UGT1A7: variants seen among roughly 807,000 people sequenced by gnomAD.
UGT1A7 encodes the protein UDP glucuronosyltransferase family 1 member A7.
UGT1A7 carries 33 observed loss-of-function variants against 45.6 expected under a neutral mutation model. The ratio of observed to expected loss-of-function variants is 0.72; its 90% CI spans 0.55 to 0.97. The LOEUF (loss-of-function observed/expected upper bound fraction) is 0.97. UGT1A7 is among the 50% of genes least tolerant of loss of function. UGT1A7 has a pLI of 0.00. For synonymous variants in UGT1A7, 274 were observed against 250.6 expected (o/e 1.09, Z -0.88); for missense variants, 684 against 666.2 (o/e 1.03, Z -0.29).
In UGT1A7 at chr2:233,760,964, T is replaced by C. The variant is rs1355767569; in HGVS notation, c.856-6070T>C. ...TCACAGAACTTTCTGTGCGACGTGGTTTATTCCCCGTATGCAACCCTTGCC... is the reference window on the plus strand; with the variant it reads ...TCACAGAACTTTCTGTGCGACGTGGCTTATTCCCCGTATGCAACCCTTGCC... On this transcript the variant is annotated intron_variant, in intron 1 of 4. Coordinates refer to ENST00000373426, the MANE Select transcript of UGT1A7 (RefSeq NM_019077.3). The C allele has an allele frequency of 6.2e-7, 1 of 1,614,182 alleles. No individual in the cohort carries two copies. Among genetic ancestry groups the C allele is most frequent in the East Asian group, 2.2e-5 (1 of 44,880 alleles).
rs573836157 is a variant in UGT1A7, at chr2:233,683,415, T to G, written c.855+623T>G. 1.7e-3 allele frequency among the ~76,000 whole-genome samples: 265 copies of G among 152,282 alleles called. 1 individual carries two copies. The highest frequency in any genetic ancestry group is 0.016 in the South Asian group (79 of 4,824). ...TAGAGATTTAAGTGTTTTCCACTTTTGGGGTTTATGAGCAATAATAAGAAT... is the reference window on the plus strand; with the variant it reads ...TAGAGATTTAAGTGTTTTCCACTTTGGGGGTTTATGAGCAATAATAAGAAT... On this transcript the variant is annotated intron_variant, in intron 1 of 4. Transcript: ENST00000373426.
At chr2:233,758,245 A>G (rs1047370626) in intron 1 of UGT1A7, among the ~76,000 whole-genome samples, 51 of 152,214 alleles carry the variant, frequency 3.4e-4, no homozygotes, top group Non-Finnish European at 1.9e-4. Flanking sequence ...ATTGCCCACT[A>G]TTCAGATTAG....
chr2:233,755,169 T>C lies in UGT1A7; in HGVS notation c.856-11865T>C, dbSNP rs555147500. 5.0e-4 allele frequency: 628 copies of C among 1,267,204 alleles called. 1 individual carries two copies. The highest frequency in any genetic ancestry group is 1.5e-3 in the Admixed American group (80 of 52,468). The allele number at this position is 1,267,204 out of a possible 1,614,324, so 78.5% of individuals were successfully genotyped here. The stretch of plus-strand genomic sequence containing the variant: ...CGCTTCCTCCCTGTCCTCGGGGTTT[T>C]TGTCGGGGTGCCACTTGAGCGCCAG... On this transcript the variant is annotated intron_variant, in intron 1 of 4. Transcript: ENST00000373426.
At chr2:233,735,813 T>C (rs1312279736) in intron 1 of UGT1A7, among the ~76,000 whole-genome samples, 1 of 152,232 alleles carries the variant, frequency 6.6e-6, no homozygotes, top group Non-Finnish European at 1.5e-5. Flanking sequence ...AAAATTCTTT[T>C]CTTTAAGAAT....
At position 233,728,248 on chromosome 2, in the gene UGT1A7, GA is replaced by G. The variant is rs150082316; in HGVS notation, c.856-38785del. ...ATCTTCAGGATGAAATAAAGGCCTGGATGACTGAAATAAAGACTGGAGCCTT... is the reference window on the plus strand; with the variant it reads ...ATCTTCAGGATGAAATAAAGGCCTGGTGACTGAAATAAAGACTGGAGCCTT... On this transcript the variant is annotated intron_variant, in intron 1 of 4. Transcript: ENST00000373426. 8.8e-3 allele frequency among the ~76,000 whole-genome samples: 1,334 copies of G among 152,284 alleles called. 20 individuals carry two copies. The highest frequency in any genetic ancestry group is 0.03 in the African/African-American group (1,244 of 41,558).
chr2:233,705,516 G>T (rs769825689), intron 1 of UGT1A7, among the ~76,000 whole-genome samples: 10 of 152,152 alleles, frequency 6.6e-5, no homozygotes, highest in Non-Finnish European at 1.5e-4. Flanking sequence ...AATCAGGGTG[G>T]GGAGATTACC....
At chr2:233,747,862 C>T in intron 1 of UGT1A7, 1 of 1,613,544 alleles carries the variant, frequency 6.2e-7, no homozygotes, top group Non-Finnish European at 8.5e-7. Context: ...ATGCTCTACC[C>T]TCTGGCCCTG....
At chr2:233,721,820 A>T in intron 1 of UGT1A7, 1 of 516,484 alleles carries the variant, frequency 1.9e-6, no homozygotes, top group Admixed American at 1.9e-5. Context: ...CCAGCACCCT[A>T]TTTGGGCCAC....
rs1559339144 is a variant in UGT1A7 at position 233,681,920 on chromosome 2, C to T, written c.-18C>T. On this transcript the variant is annotated 5_prime_UTR_variant, in exon 1 of 5. Transcript: ENST00000373426. The stretch of plus-strand genomic sequence containing the variant: ...GAGCTTAGAATCCCAGCTGCTGGCT[C>T]TGGGCTGAAGTTCTCTGATGGCTCG... 1.2e-6 allele frequency: 2 copies of T among 1,605,606 alleles called. No homozygotes were observed. The highest frequency in any genetic ancestry group is 1.7e-6 in the Non-Finnish European group (2 of 1,175,798).
rs570257028 is a variant in UGT1A7, at chr2:233,711,809, T to C, written c.855+29017T>C. Among the ~76,000 whole-genome samples the C allele has an allele frequency of 2.0e-5, 3 of 152,276 alleles. No individual in the cohort carries two copies. The South Asian group carries it at 6.2e-4, about 32-fold the overall frequency. On this transcript the variant is annotated intron_variant, in intron 1 of 4. Transcript: ENST00000373426. ...CAGCCCAGAGAGCCTGCCCACATCA[T>C]CCTGGGGCGACCAGGACAAGGAGGC...
intron 1 of UGT1A7, among the ~76,000 whole-genome samples, chr2:233,744,545 T>A (rs1042010726): frequency 6.6e-6 from 1 of 151,936 alleles, no homozygotes; most frequent in Non-Finnish European, 1.5e-5. Context: ...TAAATTTTAT[T>A]AAGACAAAAT....
chr2:233,688,149 G>T (rs975750928), intron 1 of UGT1A7, among the ~76,000 whole-genome samples: 1 of 152,048 alleles, frequency 6.6e-6, no homozygotes, highest in Non-Finnish European at 1.5e-5. Flanking sequence ...GTATGGATTT[G>T]CCTATTCTGG....
Position 233,733,630 on chromosome 2 carries a change from C to A in UGT1A7, c.856-33404C>A, listed in dbSNP as rs2078422347. 1.3e-5 allele frequency among the ~76,000 whole-genome samples: 2 copies of A among 152,174 alleles called. 1 individual carries two copies. The highest frequency in any genetic ancestry group is 4.2e-4 in the South Asian group (2 of 4,816). On this transcript the variant is annotated intron_variant, in intron 1 of 4. Transcript: ENST00000373426. ...CATTTATTGATTTGCATATGTTGAA[C>A]CAGCCTTGCATCCCAAGGATGAAGC...
chr2:233,718,517 T>G (rs2076659127), intron 1 of UGT1A7, among the ~76,000 whole-genome samples: 2 of 152,204 alleles, frequency 1.3e-5, no homozygotes, highest in African/African-American at 2.4e-5. Context: ...ATGAAATGGG[T>G]GTCCACAGCC....
At chr2:233,724,456 G>A (rs1266099425) in intron 1 of UGT1A7, among the ~76,000 whole-genome samples, 5 of 126,746 alleles carry the variant, frequency 3.9e-5, no homozygotes, top group Admixed American at 7.7e-5. Flanking sequence ...GGCAGCTGCC[G>A]GGCGGAGGGG....
intron 1 of UGT1A7, chr2:233,760,440 G>A (rs1697447579): frequency 6.2e-7 from 1 of 1,614,228 alleles, no homozygotes; most frequent in Non-Finnish European, 8.5e-7. Flanking sequence ...AGCAGCTGCA[G>A]CAGAGGGGAC....
intron 1 of UGT1A7, among the ~76,000 whole-genome samples, chr2:233,683,944 T>C (rs2074657096): frequency 6.6e-6 from 1 of 152,218 alleles, no homozygotes; most frequent in Non-Finnish European, 1.5e-5. Flanking sequence ...ATTGTTGGTC[T>C]AGCCAGCTTA....
chr2:233,724,246 C>T (rs1219453844), intron 1 of UGT1A7, among the ~76,000 whole-genome samples: 28 of 121,870 alleles, frequency 2.3e-4, no homozygotes, highest in African/African-American at 8.0e-4. Context: ...CGGGCAGAGG[C>T]GCCCCTCACC....
rs745901168 is a variant in UGT1A7 at position 233,682,730 on chromosome 2, G to A, written c.793G>A (p.Val265Met). Residue 265 changes from valine to methionine, a missense_variant, in exon 1 of 5, where the codon GTG becomes ATG. Coordinates refer to ENST00000373426, the MANE Select transcript of UGT1A7 (RefSeq NM_019077.3). Reference protein sequence around the residue: ...TDFVLEYPKPVMPNMIFIGGI... With the variant: ...TDFVLEYPKPMMPNMIFIGGI... ...CTTTGTTTTGGAGTATCCCAAACCCGTGATGCCCAATATGATCTTCATTGG... is the reference window on the plus strand; with the variant it reads ...CTTTGTTTTGGAGTATCCCAAACCCATGATGCCCAATATGATCTTCATTGG... The A allele has an allele frequency of 9.3e-6, 15 of 1,613,704 alleles. No homozygotes were observed. The highest frequency in any genetic ancestry group is 1.7e-5 in the Admixed American group (1 of 59,984).
Sources: gnomAD v4.1 joint callset for allele counts (sites outside exome capture counted in the v4.1 genomes callset) on GRCh38, gnomAD v4.1.1 for gene constraint, MANE v1.5 for transcripts, NCBI Gene and HGNC (gene_info 2026-07-23, HGNC 2026-07-21) for gene names.